PPP2R2B: variants seen among roughly 807,000 people sequenced by gnomAD.
PPP2R2B encodes protein phosphatase 2 regulatory subunit Bbeta.
A neutral mutation model predicts 46.0 loss-of-function variants in PPP2R2B; 5 were observed. The observed-to-expected ratio is 0.11, with a 90% CI of 0.06 to 0.23. The LOEUF (loss-of-function observed/expected upper bound fraction) is 0.23. Ranked by LOEUF, PPP2R2B falls within the 10% of genes least tolerant of loss-of-function variation. PPP2R2B has a pLI of 1.00. For synonymous variants in PPP2R2B, 215 were observed against 206.7 expected (o/e 1.04, Z -0.34); for missense variants, 367 against 575.0 (o/e 0.64, Z 3.70).
chr5:146,986,299 C>A (rs1753426844), intron 1 of PPP2R2B, among the ~76,000 whole-genome samples: 1 of 152,092 alleles, frequency 6.6e-6, no homozygotes. Flanking sequence ...GGAATAGAAA[C>A]CTGCAGCCCT....
At chr5:147,010,180 T>C (rs1441875830) in intron 1 of PPP2R2B, among the ~76,000 whole-genome samples, 2 of 152,056 alleles carry the variant, frequency 1.3e-5, no homozygotes, top group African/African-American at 4.8e-5. Flanking sequence ...CAGCAATACA[T>C]AAAAACAAAT....
At chr5:146,805,013 A>C (rs1757088143) in intron 2 of PPP2R2B, among the ~76,000 whole-genome samples, 1 of 152,178 alleles carries the variant, frequency 6.6e-6, no homozygotes, top group African/African-American at 2.4e-5. Flanking sequence ...CCAAGATGGC[A>C]CCATAAACAA....
intron 1 of PPP2R2B, among the ~76,000 whole-genome samples, chr5:146,964,997 A>G (rs1752340603): frequency 1.3e-5 from 2 of 152,102 alleles, no homozygotes; most frequent in African/African-American, 4.8e-5. Context: ...TTTCCTTCCA[A>G]TTCTAGCATA....
rs148014825 is a variant in PPP2R2B at position 147,008,375 on chromosome 5, A to T, written c.79+47290T>A. Among the ~76,000 whole-genome samples, 228 of 152,310 alleles carry T rather than the reference A, an allele frequency of 1.5e-3. 1 individual carries two copies. Among genetic ancestry groups the T allele is most frequent in the African/African-American group, 5.2e-3 (217 of 41,578 alleles). The stretch of plus-strand genomic sequence containing the variant: ...TTTATGAATAAATGTTAATTTATTC[A>T]TAAAATATTTTAATTCATAAAATAT... On this transcript the variant is annotated intron_variant, in intron 1 of 8. Coordinates refer to the PPP2R2B transcript ENST00000336640.
chr5:146,829,366 G>A (rs1758780082), intron 2 of PPP2R2B, among the ~76,000 whole-genome samples: 1 of 152,190 alleles, frequency 6.6e-6, no homozygotes. Flanking sequence ...TGGGTTATAT[G>A]CTTAAGCATA....
rs1554122573 is a variant in PPP2R2B, at chr5:146,673,435, C to CA, written c.447+17692_447+17693insT. 5.3e-5 allele frequency among the ~76,000 whole-genome samples: 8 copies of CA among 151,788 alleles called. No individual in the cohort carries two copies. The South Asian group carries it at 1.3e-3, about 24-fold the overall frequency. ...GACAAAGGAGAAAATATCAACAGAA[C>CA]TTTTTTTGGGTTTGTTTTTATCTAA... On this transcript the variant is annotated intron_variant, in intron 5 of 9. Coordinates refer to ENST00000394411, the MANE Select transcript of PPP2R2B (RefSeq NM_181675.4).
intron 2 of PPP2R2B, among the ~76,000 whole-genome samples, chr5:146,755,113 T>G (rs949296442): frequency 6.6e-6 from 1 of 152,136 alleles, no homozygotes; most frequent in African/African-American, 2.4e-5. Context: ...AGAGAAAGGT[T>G]TGGCAGGAGA....
intron 2 of PPP2R2B, among the ~76,000 whole-genome samples, chr5:147,066,316 G>C (rs909614429): frequency 1.3e-5 from 2 of 152,192 alleles, no homozygotes; most frequent in African/African-American, 4.8e-5. Context: ...AATGCTGACT[G>C]TATTCCATGC....
chr5:146,868,781 C>T (rs1761456470), intron 2 of PPP2R2B, among the ~76,000 whole-genome samples: 2 of 152,142 alleles, frequency 1.3e-5, no homozygotes, highest in Non-Finnish European at 2.9e-5. Context: ...CTATCAACAT[C>T]ATAACTGTTC....
chr5:147,081,205 G>A, intron 1 of PPP2R2B: 1 of 1,535,494 alleles, frequency 6.5e-7, no homozygotes. Flanking sequence ...AGACCAACAA[G>A]AAAAGAAATA....
chr5:146,845,621 C>T (rs1759953423), intron 2 of PPP2R2B, among the ~76,000 whole-genome samples: 1 of 152,194 alleles, frequency 6.6e-6, no homozygotes, highest in African/African-American at 2.4e-5. Flanking sequence ...GAAGAACAGA[C>T]ACTGTGCGTG....
intron 2 of PPP2R2B, among the ~76,000 whole-genome samples, chr5:146,815,760 A>G (rs1351983536): frequency 3.3e-5 from 5 of 152,230 alleles, no homozygotes; most frequent in African/African-American, 1.2e-4. Context: ...AATAGTCTCA[A>G]TTATATTCTT....
chr5:147,017,406 G>C (rs1755054909), intron 1 of PPP2R2B, among the ~76,000 whole-genome samples: 1 of 151,464 alleles, frequency 6.6e-6, no homozygotes, highest in South Asian at 2.1e-4. Flanking sequence ...CTTAACCTTA[G>C]GGGAGGGAGA....
intron 1 of PPP2R2B, among the ~76,000 whole-genome samples, chr5:147,025,062 GA>G (rs1216738248): frequency 1.3e-5 from 2 of 151,338 alleles, no homozygotes; most frequent in East Asian, 1.9e-4. Context: ...AAGAGAAAGA[GA>G]AAAAAAATTG....
chr5:146,871,567 G>T (rs536408999), intron 2 of PPP2R2B, among the ~76,000 whole-genome samples: 1 of 152,182 alleles, frequency 6.6e-6, no homozygotes, highest in African/African-American at 2.4e-5. Flanking sequence ...TTACTGGGTC[G>T]TAGAATTCAG....
chr5:146,946,760 A>G (rs1490785812), intron 1 of PPP2R2B, among the ~76,000 whole-genome samples: 1 of 152,080 alleles, frequency 6.6e-6, no homozygotes, highest in Non-Finnish European at 1.5e-5. Flanking sequence ...TAAATGCTCA[A>G]TTCATGCCAG....
At chr5:146,767,962 T>C (rs558930211) in intron 2 of PPP2R2B, among the ~76,000 whole-genome samples, 7 of 152,342 alleles carry the variant, frequency 4.6e-5, no homozygotes, top group African/African-American at 1.7e-4. Context: ...TCCAGAGCCA[T>C]ATATTTTTTA....
chr5:146,840,363 C>T (rs770854955), intron 2 of PPP2R2B, among the ~76,000 whole-genome samples: 7 of 152,122 alleles, frequency 4.6e-5, no homozygotes, highest in Non-Finnish European at 8.8e-5. Context: ...ATACTATATG[C>T]AGGGCTCTTA....
chr5:146,862,375 T>C (rs1262566515), intron 2 of PPP2R2B, among the ~76,000 whole-genome samples: 1 of 152,238 alleles, frequency 6.6e-6, no homozygotes, highest in Non-Finnish European at 1.5e-5. Context: ...CACTGCCTTC[T>C]TGGAGTGTCT....
Sources: allele counts gnomAD v4.1 joint callset (sites outside exome capture counted in the v4.1 genomes callset), GRCh38; gene constraint gnomAD v4.1.1; transcripts MANE v1.5; gene names NCBI Gene and HGNC (gene_info 2026-07-23, HGNC 2026-07-21).